EFCAB5: variants seen among roughly 807,000 people sequenced by gnomAD.
The protein encoded by EFCAB5 is EF-hand calcium binding domain 5.
A neutral mutation model predicts 167.9 loss-of-function variants in EFCAB5; 131 were observed. The observed-to-expected ratio is 0.78, with a 90% CI of 0.68 to 0.90. EFCAB5 has a LOEUF of 0.90. Among genes scored for constraint, EFCAB5 ranks in the 40% least tolerant of loss-of-function variants. EFCAB5 has a pLI of 0.00. For synonymous variants in EFCAB5, 574 were observed against 602.8 expected (o/e 0.95, Z 0.70); for missense variants, 1,663 against 1,745.2 (o/e 0.95, Z 0.84).
chr17:30,024,393 C>A (rs1298370516), intron 7 of EFCAB5, among the ~76,000 whole-genome samples: 1 of 151,976 alleles, frequency 6.6e-6, no homozygotes, highest in Non-Finnish European at 1.5e-5. Flanking sequence ...CAATAACAGA[C>A]AAAAAGAGAG....
At chr17:29,960,118 G>A (rs1224987418) in intron 3 of EFCAB5, among the ~76,000 whole-genome samples, 1 of 152,108 alleles carries the variant, frequency 6.6e-6, no homozygotes, top group Non-Finnish European at 1.5e-5. Context: ...GCAACACTGC[G>A]TGACAATGCA....
chr17:30,008,787 A>G (rs2068830694), intron 7 of EFCAB5, among the ~76,000 whole-genome samples: 2 of 152,106 alleles, frequency 1.3e-5, no homozygotes, highest in Admixed American at 6.6e-5. Flanking sequence ...TACAAACTGC[A>G]TTTATTTCCT....
chr17:30,020,280 G>GTGTTATAA (rs1365198917), intron 7 of EFCAB5, among the ~76,000 whole-genome samples: 1 of 150,854 alleles, frequency 6.6e-6, no homozygotes, highest in East Asian at 1.9e-4. Flanking sequence ...GTTAAAAATT[G>GTGTTATAA]TGTTATAATT....
intron 7 of EFCAB5, among the ~76,000 whole-genome samples, chr17:30,002,276 G>A (rs116209735): frequency 1.2e-4 from 18 of 152,072 alleles, no homozygotes; most frequent in African/African-American, 4.3e-4. Context: ...TTCCCCAAAG[G>A]TTATATTTTG....
chr17:29,987,911 T>C (rs1367273849), intron 4 of EFCAB5, among the ~76,000 whole-genome samples: 1 of 152,170 alleles, frequency 6.6e-6, no homozygotes, highest in Non-Finnish European at 1.5e-5. Flanking sequence ...CACATACATG[T>C]ACATAAGCTA....
chr17:29,987,697 A>G (rs2068318151), intron 4 of EFCAB5, among the ~76,000 whole-genome samples: 1 of 152,206 alleles, frequency 6.6e-6, no homozygotes, highest in Non-Finnish European at 1.5e-5. Context: ...GTCCTTGAGA[A>G]TTATATGGGG....
rs1245002536 is a variant in EFCAB5, at chr17:29,993,243, C to A, written c.846C>A (p.Ala282=). 6.2e-7 allele frequency: 1 copy of A among 1,613,568 alleles called. No individual in the cohort carries two copies. Among genetic ancestry groups the A allele is most frequent in the South Asian group, 1.1e-5 (1 of 91,010 alleles). The change falls in exon 5 of 23, where the codon GCC becomes GCA. Residue 282 remains alanine (A), a synonymous_variant. Coordinates refer to ENST00000394835, the MANE Select transcript of EFCAB5 (RefSeq NM_198529.4). The part of the protein sequence containing the change: ...ESIDKIIVKV[A]NTRKQALQEQ... ...TAGACAAAATCATAGTCAAGGTGGCCAACACACGGAAACAGGCTCTGCAGG... is the reference window on the plus strand; with the variant it reads ...TAGACAAAATCATAGTCAAGGTGGCAAACACACGGAAACAGGCTCTGCAGG...
chr17:30,038,042 T>C (rs2069672342), intron 8 of EFCAB5, among the ~76,000 whole-genome samples: 1 of 152,078 alleles, frequency 6.6e-6, no homozygotes, highest in Non-Finnish European at 1.5e-5. Flanking sequence ...AGCCAAGAGG[T>C]GGCTGAAAGC....
chr17:30,103,221 A>G (rs2071403904), intron 22 of EFCAB5, among the ~76,000 whole-genome samples: 1 of 147,982 alleles, frequency 6.8e-6, no homozygotes, highest in Non-Finnish European at 1.5e-5. Flanking sequence ...ATAAATATAT[A>G]TATTATAAAT....
chr17:30,009,706 A>G (rs2068851108), intron 7 of EFCAB5, among the ~76,000 whole-genome samples: 1 of 152,090 alleles, frequency 6.6e-6, no homozygotes, highest in Non-Finnish European at 1.5e-5. Context: ...ATTTGTGCCT[A>G]AGTTTTTACA....
intron 22 of EFCAB5, among the ~76,000 whole-genome samples, chr17:30,096,627 T>A (rs976394361): frequency 3.4e-5 from 5 of 148,142 alleles, no homozygotes; most frequent in Non-Finnish European, 5.9e-5. Context: ...TTAGTGGCTG[T>A]TAAAACTGTC....
At chr17:29,972,261 G>T (rs1203937467) in intron 4 of EFCAB5, among the ~76,000 whole-genome samples, 1 of 147,408 alleles carries the variant, frequency 6.8e-6, no homozygotes, top group Admixed American at 6.9e-5. Flanking sequence ...GCCTTAGCCA[G>T]GGTGGTCTCG....
chr17:30,001,052 T>A (rs1411753440), intron 7 of EFCAB5, among the ~76,000 whole-genome samples: 1 of 152,208 alleles, frequency 6.6e-6, no homozygotes, highest in African/African-American at 2.4e-5. Flanking sequence ...CTCTCGTGGC[T>A]TGCATTTCTG....
At chr17:30,083,981 G>C (rs2071039110) in intron 18 of EFCAB5, among the ~76,000 whole-genome samples, 1 of 152,124 alleles carries the variant, frequency 6.6e-6, no homozygotes, top group African/African-American at 2.4e-5. Flanking sequence ...TTTGTGTTAG[G>C]ATTTTGCATA....
chr17:30,003,736 A>G (rs1212887643), intron 7 of EFCAB5, among the ~76,000 whole-genome samples: 3 of 152,300 alleles, frequency 2.0e-5, no homozygotes, highest in East Asian at 1.9e-4. Flanking sequence ...AATTATTTTT[A>G]TAGTGGCTGC....
Position 30,053,877 on chromosome 17 carries a change from G to A in EFCAB5, c.1923G>A (p.Glu641=). ...CTGCAGAACAGGGATCACTCAGAGA[G>A]TCAGTAATAGAAGAACCATACCAAA... The part of the protein sequence containing the change: ...MSAAEQGSLR[E]SVIEEPYQKS... The change falls in exon 10 of 23, where the codon GAG becomes GAA. Residue 641 remains glutamate, a synonymous_variant. Coordinates refer to ENST00000394835, the MANE Select transcript of EFCAB5 (RefSeq NM_198529.4). 1.9e-6 allele frequency: 3 copies of A among 1,614,036 alleles called. No individual in the cohort carries two copies. The highest frequency in any genetic ancestry group is 2.5e-6 in the Non-Finnish European group (3 of 1,179,902).
At chr17:30,002,559 T>A (rs2068684682) in intron 7 of EFCAB5, among the ~76,000 whole-genome samples, 1 of 152,218 alleles carries the variant, frequency 6.6e-6, no homozygotes, top group Non-Finnish European at 1.5e-5. Context: ...ATCCATCACA[T>A]CAGGCACTGT....
chr17:29,945,314 G>GT (rs989841581), intron 3 of EFCAB5, among the ~76,000 whole-genome samples: 71 of 144,232 alleles, frequency 4.9e-4, no homozygotes, highest in East Asian at 1.2e-3. Context: ...TAGGTGCTGG[G>GT]TTTTTTTTTT....
chr17:29,932,754 G>T (rs543799828), intron 1 of EFCAB5, among the ~76,000 whole-genome samples: 1 of 151,936 alleles, frequency 6.6e-6, no homozygotes, highest in Non-Finnish European at 1.5e-5. Context: ...CCCCGCACCC[G>T]GCCATCATTC....
Sources: gnomAD v4.1 joint callset for allele counts (sites outside exome capture counted in the v4.1 genomes callset) on GRCh38, gnomAD v4.1.1 for gene constraint, MANE v1.5 for transcripts, NCBI Gene and HGNC (gene_info 2026-07-23, HGNC 2026-07-21) for gene names.